AKAP13: variants seen among roughly 807,000 people sequenced by gnomAD.
AKAP13 encodes A-kinase anchoring protein 13, also known as A-kinase anchor protein 13.
A neutral mutation model predicts 264.5 loss-of-function variants in AKAP13; 80 were observed. The observed-to-expected ratio is 0.30, with a 90% CI of 0.25 to 0.36. The LOEUF (loss-of-function observed/expected upper bound fraction) is 0.36, where lower values mean the gene tolerates loss of function less well. Ranked by LOEUF, AKAP13 falls within the 10% of genes least tolerant of loss-of-function variation. The pLI, the probability that AKAP13 is intolerant of heterozygous loss-of-function variation, is 1.00. For missense variants in AKAP13, 3,712 were observed against 3,435.2 expected (o/e 1.08, Z -2.01); for synonymous variants, 1,380 against 1,250.2 (o/e 1.10, Z -2.19).
chr15:85,572,620 A>G (rs1483159223), intron 5 of AKAP13, among the ~76,000 whole-genome samples: 2 of 152,166 alleles, frequency 1.3e-5, no homozygotes, highest in East Asian at 1.9e-4. Context: ...CAGCCAGTAC[A>G]TGATTTTCCA....
Position 85,575,154 on chromosome 15 carries a change from C to T in AKAP13, c.686C>T (p.Ser229Phe), listed in dbSNP as rs2078964570. ...AGGGAGAATGCTGGAGAACCAGACT[C>T]CTGGAGCAGTTTATCCTATGAAATA... ...LTEENAGEPD[S>F]WSSLSYEIPY... Residue 229 changes from serine to phenylalanine, a missense_variant, in exon 6 of 37, where the codon TCC becomes TTC. By Grantham distance (155) the Ser-to-Phe change is radical. This residue lies in a region of AKAP13 where 2,759 missense variants were observed against 2,411.7 expected (regional missense o/e 1.14). Coordinates refer to ENST00000394518, the MANE Select transcript of AKAP13 (RefSeq NM_007200.5). 11 of 1,614,112 alleles carry T rather than the reference C, an allele frequency of 6.8e-6. No homozygotes were observed. The highest frequency in any genetic ancestry group is 9.3e-6 in the Non-Finnish European group (11 of 1,180,008).
intron 2 of AKAP13, among the ~76,000 whole-genome samples, chr15:85,494,734 G>A (rs2075824976): frequency 6.6e-6 from 1 of 152,212 alleles, no homozygotes; most frequent in African/African-American, 2.4e-5. Flanking sequence ...GTCTGAACAG[G>A]TAGCAGAATC....
At chr15:85,729,600 T>C (rs2087843693) in intron 29 of AKAP13, among the ~76,000 whole-genome samples, 1 of 151,976 alleles carries the variant, frequency 6.6e-6, no homozygotes, top group Non-Finnish European at 1.5e-5. Flanking sequence ...ATTGAAGCCA[T>C]GGGGATGAAT....
At position 85,537,319 on chromosome 15, in the gene AKAP13, T is replaced by C. The variant is rs144500500; in HGVS notation, c.478+3439T>C. Among the ~76,000 whole-genome samples the C allele has an allele frequency of 4.9e-4, 74 of 152,356 alleles. No homozygotes were observed. The Middle Eastern group carries it at 0.01, about 21-fold the overall frequency. Reference sequence around the variant, plus strand: ...AAAGGTACAAAGTAACCATGATGCCTGAGGTAATACAGGTAAATAAGGCAC... The same window carrying C: ...AAAGGTACAAAGTAACCATGATGCCCGAGGTAATACAGGTAAATAAGGCAC... On this transcript the variant is annotated intron_variant, in intron 4 of 36. Transcript: ENST00000394518.
intron 17 of AKAP13, among the ~76,000 whole-genome samples, chr15:85,698,140 G>T (rs538918782): frequency 6.6e-6 from 1 of 152,090 alleles, no homozygotes; most frequent in Non-Finnish European, 1.5e-5. Flanking sequence ...AGTATATTTT[G>T]TATAGTATAT....
At chr15:85,455,796 A>T (rs554993715) in intron 1 of AKAP13, among the ~76,000 whole-genome samples, 1 of 152,106 alleles carries the variant, frequency 6.6e-6, no homozygotes, top group Non-Finnish European at 1.5e-5. Context: ...TAGATTACAG[A>T]TTGTTGAATC....
chr15:85,414,104 G>A (rs1596090148), intron 1 of AKAP13, among the ~76,000 whole-genome samples: 1 of 152,122 alleles, frequency 6.6e-6, no homozygotes, highest in African/African-American at 2.4e-5. Flanking sequence ...TTTAACTTAT[G>A]TGTTATTCCC....
intron 5 of AKAP13, among the ~76,000 whole-genome samples, chr15:85,562,574 A>AATATATATATATATATATATATATAT (rs1224541443): frequency 1.3e-5 from 1 of 77,668 alleles, no homozygotes; most frequent in African/African-American, 4.0e-5. Flanking sequence ...CAAAAAAAAA[A>AATATATATATATATATATATATATAT]ATATATATAT....
rs369727436 is a variant in AKAP13, at chr15:85,591,921, A to G, written c.4161+6098A>G. Among the ~76,000 whole-genome samples the G allele has an allele frequency of 2.5e-4, 38 of 152,348 alleles. No individual in the cohort carries two copies. In the East Asian group the frequency reaches 4.8e-3, roughly 19 times the overall value. On this transcript the variant is annotated intron_variant, in intron 8 of 36. Transcript: ENST00000394518. ...TATGGTCCTAACAGTCAAACACTCA[A>G]GAACAACTATGTTCAAGGACAACTG...
chr15:85,542,408 C>A (rs1286035605), intron 4 of AKAP13, among the ~76,000 whole-genome samples: 2 of 152,200 alleles, frequency 1.3e-5, no homozygotes, highest in Non-Finnish European at 2.9e-5. Context: ...ACACAGATGA[C>A]ATTTGGAAAC....
chr15:85,603,667 C>T (rs1442579411), intron 8 of AKAP13, among the ~76,000 whole-genome samples: 1 of 152,232 alleles, frequency 6.6e-6, no homozygotes, highest in Non-Finnish European at 1.5e-5. Context: ...CTGCCAGCCT[C>T]GCCAGAATCC....
rs780343030 is a variant in AKAP13 at position 85,735,014 on chromosome 15, G to A, written c.7305G>A (p.Val2435=). 4 of 1,614,092 alleles carry A rather than the reference G, an allele frequency of 2.5e-6. No individual in the cohort carries two copies. The highest frequency in any genetic ancestry group is 1.1e-5 in the South Asian group (1 of 91,064). Residue 2435 remains valine (V), a synonymous_variant, in exon 31 of 37, where the codon GTG becomes GTA. Transcript: ENST00000394518. ...INEVEILQGL[V]SGNLGGTLGP... is the part of the protein sequence containing the mutation. ...CAGTGGAGATCCTTCAGGGTTTGGT[G>A]AGTGGAAATCTGGGAGGCACACTTG...
At chr15:85,632,664 A>T (rs2081891638) in intron 8 of AKAP13, among the ~76,000 whole-genome samples, 1 of 152,164 alleles carries the variant, frequency 6.6e-6, no homozygotes, top group African/African-American at 2.4e-5. Context: ...TGTAACTTTA[A>T]TTTTGTTCTA....
intron 1 of AKAP13, among the ~76,000 whole-genome samples, chr15:85,412,070 G>A (rs1346061490): frequency 1.3e-5 from 2 of 151,940 alleles, no homozygotes; most frequent in Non-Finnish European, 2.9e-5. Context: ...ATAACTCAAG[G>A]AACCAGTATT....
In AKAP13 at chr15:85,678,644, T is replaced by C. The variant is rs1224605995; in HGVS notation, c.5102-3514T>C. 2.0e-5 allele frequency among the ~76,000 whole-genome samples: 3 copies of C among 151,722 alleles called. No individual in the cohort carries two copies. The East Asian group carries it at 5.9e-4, about 30-fold the overall frequency. ...TGGGAGGCCGAGGCGGGCGGATCAC[T>C]TGAGGTCAGGAGTTTGAGACCAGCC... On this transcript the variant is annotated intron_variant, in intron 14 of 36. Coordinates refer to ENST00000394518, the MANE Select transcript of AKAP13 (RefSeq NM_007200.5).
rs751608541 is a variant in AKAP13 at position 85,533,669 on chromosome 15, T to C, written c.267T>C (p.Phe89=). The change falls in exon 4 of 37, where the codon TTT becomes TTC. Residue 89 remains phenylalanine (F), a synonymous_variant. Coordinates refer to ENST00000394518, the MANE Select transcript of AKAP13 (RefSeq NM_007200.5). ...TGTTTGTGGTGGCTGAAGAAGACTT[T>C]CATTTCGTCCAGGATGAAGCGTATG... is the stretch of plus-strand genomic sequence containing the variant. The part of the protein sequence containing the change: ...LPVFVVAEED[F]HFVQDEAYDA... 3.1e-6 allele frequency: 5 copies of C among 1,614,182 alleles called. No individual in the cohort carries two copies. Among genetic ancestry groups the C allele is most frequent in the South Asian group, 1.1e-5 (1 of 91,088 alleles).
chr15:85,529,220 G>C (rs1388449062), intron 3 of AKAP13, among the ~76,000 whole-genome samples: 1 of 152,116 alleles, frequency 6.6e-6, no homozygotes, highest in East Asian at 1.9e-4. Context: ...AGGAGGTCGA[G>C]ACCATCCTGG....
chr15:85,630,425 A>G (rs1056903999), intron 8 of AKAP13, among the ~76,000 whole-genome samples: 22 of 152,306 alleles, frequency 1.4e-4, no homozygotes, highest in African/African-American at 4.6e-4. Context: ...TACAGCATGC[A>G]TTGTCCAAGT....
intron 1 of AKAP13, among the ~76,000 whole-genome samples, chr15:85,383,201 T>A (rs550195726): frequency 6.6e-6 from 1 of 152,248 alleles, no homozygotes; most frequent in African/African-American, 2.4e-5. Context: ...CCAGTGAAAT[T>A]ATTAAAATTG....
Sources: gnomAD v4.1 joint callset for allele counts (sites outside exome capture counted in the v4.1 genomes callset) on GRCh38, gnomAD v4.1.1 for gene constraint, gnomAD v4.1.1 regional missense constraint, MANE v1.5 for transcripts, NCBI Gene and HGNC (gene_info 2026-07-23, HGNC 2026-07-21) for gene names.